The following CENPF variants were observed in gnomAD, a reference collection of about 807,000 sequenced individuals.
CENPF encodes centromere protein F.
CENPF carries 214 observed loss-of-function variants against 307.3 expected under a neutral mutation model. The observed-to-expected ratio is 0.70, with a 90% CI of 0.62 to 0.78. The LOEUF is 0.78. Ranked by LOEUF, CENPF falls within the 30% of genes least tolerant of loss-of-function variation. The pLI is 0.00. For missense variants in CENPF, 3,401 were observed against 3,483.9 expected, an observed-to-expected ratio of 0.98 and a Z score of 0.60; for synonymous variants, 1,259 against 1,270.6, an observed-to-expected ratio of 0.99 and a Z score of 0.19.
chr1:214,658,066 C>T (rs916522189), intron 18 of CENPF, among the ~76,000 whole-genome samples: 2 of 152,142 alleles, frequency 1.3e-5, no homozygotes, highest in Non-Finnish European at 2.9e-5. Context: ...CCCCCTCTGC[C>T]CCCAAATATC....
chr1:214,627,188 T>G (rs954931081), intron 7 of CENPF, among the ~76,000 whole-genome samples: 4 of 151,880 alleles, frequency 2.6e-5, no homozygotes. Flanking sequence ...GCCTCCCTAG[T>G]AGCTGAGGCT....
In CENPF at chr1:214,663,769, G is replaced by A. The variant is rs1658847808; in HGVS notation, c.9320G>A (p.Gly3107Asp). 1 of 1,614,048 alleles carries A rather than the reference G, an allele frequency of 6.2e-7. No individual in the cohort carries two copies. The change falls in exon 20 of 20, where the codon GGC becomes GAC. Residue 3107 changes from glycine to aspartate, a missense_variant. Transcript: ENST00000366955. ...PSPKAGLESN[G>D]SENCKVQ The stretch of plus-strand genomic sequence containing the variant: ...CCCAAAGCTGGACTGGAGTCCAACG[G>A]CAGTGAGAACTGTAAGGTCCAGTGA...
chr1:214,656,973 G>T lies in CENPF; in HGVS notation c.8526G>T (p.Glu2842Asp). 6.2e-7 allele frequency: 1 copy of T among 1,612,564 alleles called. No individual in the cohort carries two copies. The highest frequency in any genetic ancestry group is 1.1e-5 in the South Asian group (1 of 91,004). The change falls in exon 18 of 20, where the codon GAG becomes GAT. Residue 2842 changes from glutamate to aspartate, a missense_variant. Physicochemically the swap from Glu to Asp is conservative, Grantham distance 45 (BLOSUM62 2). Coordinates refer to ENST00000366955, the MANE Select transcript of CENPF (RefSeq NM_016343.4). The stretch of plus-strand genomic sequence containing the variant: ...CCAAGGTCGATGAATTAACAACTGA[G>T]ATCAAAGAACTGAAAGAAACTCTTG... Reference protein sequence around the residue: ...MDTKVDELTTEIKELKETLEE... With the variant: ...MDTKVDELTTDIKELKETLEE...
Position 214,659,044 on chromosome 1 carries a change from C to T in CENPF, c.9141+16C>T, listed in dbSNP as rs751109317. On this transcript the variant is annotated intron_variant, in intron 19 of 19. Coordinates refer to ENST00000366955, the MANE Select transcript of CENPF (RefSeq NM_016343.4). This position sits in a 1 kb window ranked among gnomAD's most constrained non-coding sequence, Gnocchi z 4.4. ...ATCACAAAAGGTAAACTACTGTCAA[C>T]ATCCGTCTACTGTTTGAGATCCAGA... 1.9e-6 allele frequency: 3 copies of T among 1,613,222 alleles called. No homozygotes were observed. In the Admixed American group the frequency reaches 5.0e-5, roughly 27 times the overall value.
chr1:214,627,066 C>T (rs1657674189), intron 7 of CENPF, among the ~76,000 whole-genome samples: 1 of 152,124 alleles, frequency 6.6e-6, no homozygotes. Flanking sequence ...AGTCTTCCCT[C>T]CAGGTTCTTG....
intron 7 of CENPF, among the ~76,000 whole-genome samples, chr1:214,624,980 A>T (rs1657613197): frequency 6.7e-6 from 1 of 150,306 alleles, no homozygotes; most frequent in African/African-American, 2.5e-5. Context: ...AGGCATATAC[A>T]TTTGGGATTG....
chr1:214,629,463 G>T (rs766640187), intron 8 of CENPF, among the ~76,000 whole-genome samples: 8 of 152,032 alleles, frequency 5.3e-5, no homozygotes, highest in Non-Finnish European at 1.2e-4. Context: ...TCTTCTTTTG[G>T]ACATTTTCTC....
intron 1 of CENPF, among the ~76,000 whole-genome samples, chr1:214,610,019 CTTTT>C (rs34695664): frequency 1.5e-5 from 2 of 130,370 alleles, no homozygotes; most frequent in Non-Finnish European, 1.6e-5. Context: ...GTGCATGTGC[CTTTT>C]TTTTTTTTTT....
rs879160213 is a variant in CENPF, at chr1:214,652,852, C to T, written c.8185C>T (p.Arg2729Ter). The T allele has an allele frequency of 6.3e-7, 1 of 1,595,198 alleles. No homozygotes were observed. Among genetic ancestry groups the T allele is most frequent in the Non-Finnish European group, 8.5e-7 (1 of 1,174,654 alleles). Residue 2729 changes from arginine to a stop codon, truncating the protein, a stop_gained, in exon 16 of 20, where the codon CGA (arginine) becomes TGA (stop). Coordinates refer to ENST00000366955, the MANE Select transcript of CENPF (RefSeq NM_016343.4). LOFTEE classifies it high-confidence loss of function. ...KQYEVEIQTY[R>*]EKLTSKEECL... ...GTATGAAGTAGAAATCCAGACATAC[C>T]GAGAGAAATTGACTTCTAAAGAAGA... is the stretch of plus-strand genomic sequence containing the variant.
intron 9 of CENPF, among the ~76,000 whole-genome samples, chr1:214,631,783 A>G (rs749802348): frequency 6.6e-6 from 1 of 152,196 alleles, no homozygotes; most frequent in Non-Finnish European, 1.5e-5. Context: ...TACAGGCATG[A>G]GCCGCCCTGC....
intron 18 of CENPF, 138 bp from the exon 19 acceptor site, chr1:214,658,712 A>G (rs1395072534): frequency 7.0e-6 from 5 of 709,704 alleles, no homozygotes; most frequent in Non-Finnish European, 9.2e-6. Flanking sequence ...GTGAAGTGTA[A>G]TCCATTGACC....
Position 214,663,721 on chromosome 1 carries a change from A to G in CENPF, c.9272A>G (p.Lys3091Arg), listed in dbSNP as rs1426745394. 1 of 1,614,126 alleles carries G rather than the reference A, an allele frequency of 6.2e-7. No homozygotes were observed. Among genetic ancestry groups the G allele is most frequent in the Admixed American group, 1.7e-5 (1 of 60,010 alleles). The change falls in exon 20 of 20, where the codon AAG becomes AGG. Residue 3091 changes from lysine (K) to arginine (R), a missense_variant. By Grantham distance (26) the Lys-to-Arg change is conservative (BLOSUM62 2). Transcript: ENST00000366955. ...AGCCCCAGAGAGGGCCTGAGGGTCA[A>G]GCGAGGCCGACTTGTCCCCAGCCCC... Reference protein sequence around the residue: ...TDSPREGLRVKRGRLVPSPKA... With the variant: ...TDSPREGLRVRRGRLVPSPKA...
Position 214,659,215 on chromosome 1 carries a change from T to G in CENPF, c.9141+187T>G, listed in dbSNP as rs1658729067. Among the ~76,000 whole-genome samples the G allele has an allele frequency of 6.6e-6, 1 of 152,060 alleles. No individual in the cohort carries two copies. The highest frequency in any genetic ancestry group is 1.5e-5 in the Non-Finnish European group (1 of 68,010). ...AGCATTACAGTATCAGGGTACATGA[T>G]CTCATCCTTCAGTCAACAGGCCGCT... On this transcript the variant is annotated intron_variant, in intron 19 of 19. Transcript: ENST00000366955. The surrounding 1 kb of genome is among the most constrained non-coding windows in gnomAD (Gnocchi z 4.4).
chr1:214,613,112 T>C, intron 1 of CENPF: 1 of 288,116 alleles, frequency 3.5e-6, no homozygotes, highest in Non-Finnish European at 6.7e-6. Context: ...CACCACTCCA[T>C]TACAACTATT....
chr1:214,608,585 T>A, intron 1 of CENPF: 1 of 1,609,700 alleles, frequency 6.2e-7, no homozygotes, highest in Non-Finnish European at 8.5e-7. Flanking sequence ...AAGACCTCAA[T>A]GGTGTCCAGC....
chr1:214,606,054 T>A, intron 1 of CENPF: 1 of 1,594,712 alleles, frequency 6.3e-7, no homozygotes, highest in East Asian at 2.2e-5. Context: ...CCGTACAGGA[T>A]GATGCTGTCC....
At chr1:214,626,649 G>C (rs1657662226) in intron 7 of CENPF, among the ~76,000 whole-genome samples, 1 of 152,104 alleles carries the variant, frequency 6.6e-6, no homozygotes. Context: ...ATTGCTTTTT[G>C]AGTTATTTAA....
Position 214,607,292 on chromosome 1 carries a change from C to T in CENPF, c.-42+3971C>T, listed in dbSNP as rs762014253. ...CTGGCCTCCCCCTCACAGCTCTGGGCCTAGGTTCCTGCAGGACAAAGTGGC... is the reference window on the plus strand; with the variant it reads ...CTGGCCTCCCCCTCACAGCTCTGGGTCTAGGTTCCTGCAGGACAAAGTGGC... On this transcript the variant is annotated intron_variant, in intron 1 of 19. Transcript: ENST00000366955. Among the ~76,000 whole-genome samples the T allele has an allele frequency of 4.0e-4, 61 of 152,336 alleles. No individual in the cohort carries two copies. In the Middle Eastern group the frequency reaches 0.01, roughly 25 times the overall value.
In CENPF at chr1:214,645,689, T is replaced by G; in HGVS notation, c.6119T>G (p.Leu2040Trp). 6.2e-7 allele frequency: 1 copy of G among 1,614,132 alleles called. No individual in the cohort carries two copies. Among genetic ancestry groups the G allele is most frequent in the South Asian group, 1.1e-5 (1 of 91,070 alleles). Residue 2040 changes from leucine (L) to tryptophan (W), a missense_variant, in exon 13 of 20, where the codon TTG (leucine) becomes TGG (tryptophan). Physicochemically the swap from Leu to Trp is moderately conservative, Grantham distance 61. Transcript: ENST00000366955. ...CATCTCCAGGAAAAGCTGCAGAGTT[T>G]GGAAAAGGACTCACAGGCACTGTCT... Reference protein sequence around the residue: ...KTHLQEKLQSLEKDSQALSLT... With the variant: ...KTHLQEKLQSWEKDSQALSLT...
Sources: gnomAD v4.1 joint callset for allele counts (sites outside exome capture counted in the v4.1 genomes callset) on GRCh38, gnomAD v4.1.1 for gene constraint, Gnocchi (gnomAD v3.1) non-coding constraint, MANE v1.5 for transcripts, NCBI Gene and HGNC (gene_info 2026-07-23, HGNC 2026-07-21) for gene names.